The following GRID1 variants were observed in gnomAD, a reference collection of about 807,000 sequenced individuals.
GRID1 encodes the protein glutamate receptor ionotropic, delta-1.
GRID1 carries 28 observed loss-of-function variants against 98.0 expected under a neutral mutation model. That is an observed-to-expected ratio of 0.29 (90% confidence interval 0.21 to 0.39). GRID1 has a LOEUF of 0.39. Ranked by LOEUF, GRID1 falls within the 10% of genes least tolerant of loss-of-function variation. The pLI is 1.00. For missense variants in GRID1, 1,111 were observed against 1,340.5 expected, an observed-to-expected ratio of 0.83 and a Z score of 2.67; for synonymous variants, 553 against 538.5, an observed-to-expected ratio of 1.03 and a Z score of -0.37.
At chr10:86,229,996 T>C (rs1051366188) in intron 2 of GRID1, among the ~76,000 whole-genome samples, 1 of 152,218 alleles carries the variant, frequency 6.6e-6, no homozygotes, top group Non-Finnish European at 1.5e-5. Context: ...AGGGTGCTTG[T>C]TGACTCAACA....
chr10:85,602,177 G>A lies in GRID1; in HGVS notation c.*96C>T. ...AAAGAGTCTCTGTGTATGTGTGTGT[G>A]TGCGAGTGTGTGTGGTTTGTGTTGT... On this transcript the variant is annotated 3_prime_UTR_variant, in exon 16 of 16. Coordinates refer to ENST00000327946, the MANE Select transcript of GRID1 (RefSeq NM_017551.3). 1.5e-6 allele frequency: 1 copy of A among 683,570 alleles called. No individual in the cohort carries two copies. The highest frequency in any genetic ancestry group is 2.5e-6 in the Non-Finnish European group (1 of 405,222). 42.3% of individuals were successfully genotyped at this position (683,570 alleles called of 1,614,324 possible). A position where few individuals can be genotyped will look rare whatever the true frequency, so the allele number is the denominator to read the frequency against.
At chr10:85,696,419 G>A (rs918129021) in intron 12 of GRID1, among the ~76,000 whole-genome samples, 2 of 151,892 alleles carry the variant, frequency 1.3e-5, no homozygotes, top group African/African-American at 2.4e-5. Context: ...AGAGAGAAAG[G>A]TGCTCTAAAA....
chr10:85,613,862 C>G (rs547865914), intron 14 of GRID1, among the ~76,000 whole-genome samples: 2 of 152,318 alleles, frequency 1.3e-5, no homozygotes, highest in African/African-American at 4.8e-5. Flanking sequence ...ACTCCCCTCC[C>G]CAACAGCCCC....
intron 12 of GRID1, among the ~76,000 whole-genome samples, chr10:85,708,482 C>A (rs1841548487): frequency 6.6e-6 from 1 of 151,642 alleles, no homozygotes; most frequent in Non-Finnish European, 1.5e-5. Context: ...ATACCTAAAG[C>A]ACAATGATTC....
chr10:85,824,749 T>C (rs910416985), intron 8 of GRID1, among the ~76,000 whole-genome samples: 5 of 152,222 alleles, frequency 3.3e-5, no homozygotes, highest in Admixed American at 2.6e-4. Flanking sequence ...CCTCTCTGTA[T>C]GCCTTTGCAT....
intron 4 of GRID1, among the ~76,000 whole-genome samples, chr10:85,996,696 G>C (rs1373647777): frequency 2.0e-5 from 3 of 152,100 alleles, no homozygotes; most frequent in Admixed American, 2.0e-4. Flanking sequence ...AGGCATGATG[G>C]TGGGTGCATG....
chr10:85,915,528 T>TAC (rs57915300), intron 5 of GRID1, among the ~76,000 whole-genome samples: 1 of 151,038 alleles, frequency 6.6e-6, no homozygotes, highest in Non-Finnish European at 1.5e-5. Flanking sequence ...GACACACATA[T>TAC]ACACACACAT....
chr10:86,081,133 T>TATG (rs1299080134), intron 4 of GRID1, among the ~76,000 whole-genome samples: 1 of 152,012 alleles, frequency 6.6e-6, no homozygotes, highest in Non-Finnish European at 1.5e-5. Flanking sequence ...ACTATCTCAT[T>TATG]ATTATTATTA....
chr10:86,243,511 C>T (rs73349985), intron 2 of GRID1, among the ~76,000 whole-genome samples: 7,831 of 152,124 alleles, frequency 0.051, 667 homozygotes, highest in African/African-American at 0.18. Context: ...CTAGACAACC[C>T]CACTTAACAG....
At chr10:85,704,265 T>C (rs1328511051) in intron 12 of GRID1, among the ~76,000 whole-genome samples, 1 of 152,068 alleles carries the variant, frequency 6.6e-6, no homozygotes, top group African/African-American at 2.4e-5. Flanking sequence ...AATAAAAGGA[T>C]GGAGAAGGAT....
intron 14 of GRID1, among the ~76,000 whole-genome samples, chr10:85,616,431 T>C (rs772437809): frequency 3.3e-5 from 5 of 152,120 alleles, no homozygotes; most frequent in Admixed American, 6.5e-5. Flanking sequence ...CAGGGGATGG[T>C]GAGGCTCTGG....
At chr10:85,732,118 G>A (rs1692318954) in intron 8 of GRID1, among the ~76,000 whole-genome samples, 1 of 152,128 alleles carries the variant, frequency 6.6e-6, no homozygotes, top group Admixed American at 6.5e-5. Flanking sequence ...TGGACTCACT[G>A]GGGCAGGAGT....
intron 14 of GRID1, among the ~76,000 whole-genome samples, chr10:85,619,663 A>T (rs1842834942): frequency 6.6e-6 from 1 of 152,038 alleles, no homozygotes; most frequent in Admixed American, 6.6e-5. Flanking sequence ...TCCCACAGAG[A>T]CTCTGAGCCT....
chr10:86,126,349 A>G (rs1210621674), intron 4 of GRID1, among the ~76,000 whole-genome samples: 1 of 152,174 alleles, frequency 6.6e-6, no homozygotes, highest in Non-Finnish European at 1.5e-5. Context: ...CAGCTACTCC[A>G]GAGGCTGAGG....
At chr10:86,158,697 G>A (rs1845279949) in intron 3 of GRID1, among the ~76,000 whole-genome samples, 1 of 152,074 alleles carries the variant, frequency 6.6e-6, no homozygotes, top group African/African-American at 2.4e-5. Flanking sequence ...AGCAAAATAT[G>A]AGCAGATGTC....
At chr10:86,138,389 A>G (rs1407403695) in intron 4 of GRID1, among the ~76,000 whole-genome samples, 1 of 152,198 alleles carries the variant, frequency 6.6e-6, no homozygotes, top group Non-Finnish European at 1.5e-5. Context: ...AACGATAGGC[A>G]AAGACACCTC....
At chr10:86,131,142 ATCTC>A (rs978110206) in intron 4 of GRID1, among the ~76,000 whole-genome samples, 10 of 152,126 alleles carry the variant, frequency 6.6e-5, no homozygotes, top group Admixed American at 4.6e-4. Flanking sequence ...AATTTAGATA[ATCTC>A]TCTCATTTCT....
At chr10:86,087,591 T>C (rs1394502367) in intron 4 of GRID1, among the ~76,000 whole-genome samples, 2 of 152,176 alleles carry the variant, frequency 1.3e-5, no homozygotes, top group South Asian at 2.1e-4. Context: ...AGGCCAGCTC[T>C]TTCTGTTTTC....
intron 15 of GRID1, among the ~76,000 whole-genome samples, chr10:85,608,129 C>G (rs1001062197): frequency 6.6e-6 from 1 of 152,202 alleles, no homozygotes; most frequent in African/African-American, 2.4e-5. Context: ...AACCTGGGCT[C>G]TTTTCCATGA....
Sources: allele counts gnomAD v4.1 joint callset (sites outside exome capture counted in the v4.1 genomes callset), GRCh38; gene constraint gnomAD v4.1.1; transcripts MANE v1.5; gene names NCBI Gene and HGNC (gene_info 2026-07-23, HGNC 2026-07-21).